Variants in MACF1 observed in about 807,000 individuals in gnomAD.
The protein encoded by MACF1 is microtubule actin crosslinking factor 1, also known as microtubule-actin cross-linking factor 1.
Under a neutral mutation model 854.8 loss-of-function variants are expected in MACF1, and 193 were observed. The ratio of observed to expected loss-of-function variants is 0.23; its 90% CI spans 0.20 to 0.25. The LOEUF (loss-of-function observed/expected upper bound fraction) is 0.25. Among genes scored for constraint, MACF1 ranks in the 10% least tolerant of loss-of-function variants. The probability of loss-of-function intolerance (pLI) is 1.00; values close to 1 mark genes in which losing one functional copy is unlikely to be tolerated. For missense variants in MACF1, 7,722 were observed against 8,929.1 expected, an observed-to-expected ratio of 0.86 and a Z score of 5.45; for synonymous variants, 3,185 against 3,226.7, an observed-to-expected ratio of 0.99 and a Z score of 0.44.
chr1:39,191,058 T>C (rs1342328810), intron 2 of MACF1, among the ~76,000 whole-genome samples: 1 of 152,108 alleles, frequency 6.6e-6, no homozygotes, highest in African/African-American at 2.4e-5. Context: ...AATAGTTTTC[T>C]TCCCAGGCAT....
At chr1:39,269,513 A>G (rs1645276552) in intron 6 of MACF1, 1 of 1,289,716 alleles carries the variant, frequency 7.8e-7, no homozygotes, top group Non-Finnish European at 1.0e-6. Context: ...AGGATTCCAG[A>G]CTGCCTACTT....
chr1:39,116,090 G>A (rs2148150308), intron 2 of MACF1, among the ~76,000 whole-genome samples: 1 of 152,260 alleles, frequency 6.6e-6, no homozygotes, highest in Middle Eastern at 3.4e-3. Flanking sequence ...TTGTAACACA[G>A]GAGAGACTTG....
At chr1:39,147,385 C>A (rs1231926719) in intron 2 of MACF1, among the ~76,000 whole-genome samples, 7 of 138,884 alleles carry the variant, frequency 5.0e-5, no homozygotes, top group Non-Finnish European at 1.1e-4. Flanking sequence ...CCTTTCCTTC[C>A]CCTTCTTTCC....
At chr1:39,141,978 T>C (rs146687207) in intron 2 of MACF1, among the ~76,000 whole-genome samples, 8 of 152,336 alleles carry the variant, frequency 5.3e-5, no homozygotes, top group African/African-American at 1.9e-4. Context: ...GCCAAAGAGA[T>C]AACTGACTCC....
At chr1:39,290,928 G>T (rs1314406015) in intron 15 of MACF1, among the ~76,000 whole-genome samples, 1 of 151,336 alleles carries the variant, frequency 6.6e-6, no homozygotes, top group Non-Finnish European at 1.5e-5. Context: ...GCCCACCTTG[G>T]CCTCCCAAAG....
In MACF1 at chr1:39,269,576, C is replaced by T. The variant is rs532839772; in HGVS notation, c.528+11548C>T. The stretch of plus-strand genomic sequence containing the variant: ...TGACTGTGAGCATTTTGCCCTCCTC[C>T]TCTGGCTATGGCAGTGATGGGCCAC... On this transcript the variant is annotated intron_variant, in intron 6 of 100. Transcript: ENST00000564288. 2.4e-5 allele frequency: 31 copies of T among 1,289,840 alleles called. No individual in the cohort carries two copies. In the South Asian group the frequency reaches 3.6e-4, roughly 15 times the overall value. The allele number at this position is 1,289,840 out of a possible 1,614,324, so 79.9% of individuals were successfully genotyped here. A position where few individuals can be genotyped will look rare whatever the true frequency, so the allele number is the denominator to read the frequency against.
At chr1:39,340,465 T>A in intron 38 of MACF1, 37 bp from the exon 39 acceptor site, 1 of 1,480,534 alleles carries the variant, frequency 6.8e-7, no homozygotes, top group Non-Finnish European at 9.4e-7. Flanking sequence ...GGGTTTCTAG[T>A]CTTGCTTTTA....
chr1:39,350,283 G>T (rs911784943), intron 42 of MACF1, among the ~76,000 whole-genome samples: 1 of 152,258 alleles, frequency 6.6e-6, no homozygotes, highest in Non-Finnish European at 1.5e-5. Flanking sequence ...CTTGAGGTGG[G>T]TATGGTATTG....
At position 39,349,561 on chromosome 1, in the gene MACF1, A is replaced by C; in HGVS notation, c.10899A>C (p.Ala3633=). The change falls in exon 42 of 101, where the codon GCA becomes GCC. Residue 3633 remains alanine, a synonymous_variant. Coordinates refer to ENST00000564288, the MANE Select transcript of MACF1 (RefSeq NM_001394062.1). The part of the protein sequence containing the change: ...SWVGQAERAL[A]GHQGRTTQQD... Reference sequence around the variant, plus strand: ...TAGGACAGGCAGAAAGAGCACTGGCAGGCCACCAAGGCAGAACCACCCAGC... The same window carrying C: ...TAGGACAGGCAGAAAGAGCACTGGCCGGCCACCAAGGCAGAACCACCCAGC... 6.2e-7 allele frequency: 1 copy of C among 1,614,246 alleles called. No homozygotes were observed. The highest frequency in any genetic ancestry group is 8.5e-7 in the Non-Finnish European group (1 of 1,180,028).
At chr1:39,436,530 A>G (rs1406964782) in intron 70 of MACF1, 1 of 1,557,574 alleles carries the variant, frequency 6.4e-7, no homozygotes, top group South Asian at 1.1e-5. Flanking sequence ...GTGTTCTTAT[A>G]ATGCTGAAAA....
intron 2 of MACF1, among the ~76,000 whole-genome samples, chr1:39,093,482 A>ATTTTTTTT (rs35211687): frequency 9.6e-6 from 1 of 104,300 alleles, no homozygotes; most frequent in Non-Finnish European, 1.9e-5. Flanking sequence ...CGCCTGGCTA[A>ATTTTTTTT]TTTTTTTTTT....
rs1265705528 is a variant in MACF1, at chr1:39,434,513, T to G, written c.17665T>G (p.Phe5889Val). 1 of 1,613,822 alleles carries G rather than the reference T, an allele frequency of 6.2e-7. No individual in the cohort carries two copies. Among genetic ancestry groups the G allele is most frequent in the Admixed American group, 1.7e-5 (1 of 59,990 alleles). ...LERAQVLVNQ[F>V]WETYEELSPW... ...GCGGGCCCAGGTCTTAGTAAACCAG[T>G]TTTGGGAAACTTATGAAGAGCTCAG... Residue 5889 changes from phenylalanine to valine, a missense_variant, in exon 69 of 101, where the codon TTT (phenylalanine) becomes GTT (valine). Physicochemically the swap from Phe to Val is conservative, Grantham distance 50. Coordinates refer to ENST00000564288, the MANE Select transcript of MACF1 (RefSeq NM_001394062.1).
Position 39,484,682 on chromosome 1 carries a change from A to AGCAATAGTTCTTCCCCG in MACF1, c.22366_22382dup (p.Ser7462IlefsTer50). The AGCAATAGTTCTTCCCCG allele has an allele frequency of 1.2e-6, 2 of 1,614,156 alleles. No homozygotes were observed. Among genetic ancestry groups the AGCAATAGTTCTTCCCCG allele is most frequent in the Non-Finnish European group, 1.7e-6 (2 of 1,179,998 alleles). ...TCGGACATCCCTTGCTGGTGATACC[A>AGCAATAGTTCTTCCCCG]GCAATAGTTCTTCCCCGGCCTCCAC... On this transcript the variant is annotated frameshift_variant, in exon 100 of 101. Transcript: ENST00000564288. LOFTEE classifies it high-confidence loss of function.
chr1:39,379,099 T>C (rs1649970310), intron 53 of MACF1, 104 bp from the exon 54 acceptor site: 5 of 1,162,184 alleles, frequency 4.3e-6, no homozygotes, highest in Non-Finnish European at 6.0e-6. Context: ...TAATCTCTAA[T>C]TCACTAGAAG....
intron 56 of MACF1, among the ~76,000 whole-genome samples, chr1:39,382,600 A>AG (rs886710683): frequency 6.1e-4 from 93 of 151,684 alleles, no homozygotes; most frequent in African/African-American, 2.2e-3. Context: ...GCTACTTGGG[A>AG]GGCTGAGGCA....
chr1:39,235,234 G>A (rs1052136073), intron 2 of MACF1, among the ~76,000 whole-genome samples: 2 of 152,260 alleles, frequency 1.3e-5, no homozygotes, highest in African/African-American at 2.4e-5. Context: ...CTGAGTGAAC[G>A]AGACTCCGTC....
intron 2 of MACF1, among the ~76,000 whole-genome samples, chr1:39,095,972 C>G (rs934633793): frequency 6.6e-6 from 1 of 151,176 alleles, no homozygotes; most frequent in Non-Finnish European, 1.5e-5. Flanking sequence ...ATATCAAGAC[C>G]TGCCTGGGCA....
At chr1:39,160,072 T>G (rs1292949064) in intron 2 of MACF1, among the ~76,000 whole-genome samples, 1 of 152,086 alleles carries the variant, frequency 6.6e-6, no homozygotes, top group Non-Finnish European at 1.5e-5. Context: ...CCCAACACTT[T>G]GGGAGGCTGA....
chr1:39,172,982 G>C (rs966158705), intron 2 of MACF1, among the ~76,000 whole-genome samples: 1 of 152,096 alleles, frequency 6.6e-6, no homozygotes, highest in South Asian at 2.1e-4. Context: ...TACCTTGCTA[G>C]GAAAATAAAG....
Sources: gnomAD v4.1 joint callset for allele counts (sites outside exome capture counted in the v4.1 genomes callset) on GRCh38, gnomAD v4.1.1 for gene constraint, MANE v1.5 for transcripts, NCBI Gene and HGNC (gene_info 2026-07-23, HGNC 2026-07-21) for gene names.